The following SUCLG2 variants were observed in gnomAD, a reference collection of about 807,000 sequenced individuals.
SUCLG2 encodes the protein succinate--CoA ligase [GDP-forming] subunit beta, mitochondrial.
SUCLG2 carries 42 observed loss-of-function variants against 47.9 expected under a neutral mutation model. The ratio of observed to expected loss-of-function variants is 0.88; its 90% CI spans 0.69 to 1.14. The LOEUF is 1.14. Among genes scored for constraint, SUCLG2 ranks in the 50% most tolerant of loss-of-function variants. SUCLG2 has a pLI of 0.00. For synonymous variants in SUCLG2, 195 were observed against 197.3 expected (o/e 0.99, Z 0.10); for missense variants, 571 against 525.9 (o/e 1.09, Z -0.84).
intron 2 of SUCLG2, among the ~76,000 whole-genome samples, chr3:67,547,222 T>G (rs970784116): frequency 6.6e-6 from 1 of 152,120 alleles, no homozygotes; most frequent in East Asian, 1.9e-4. Flanking sequence ...CAATATGTGT[T>G]AAGGAGAAAG....
At chr3:67,553,821 G>C (rs1278758745) in intron 2 of SUCLG2, among the ~76,000 whole-genome samples, 2 of 152,044 alleles carry the variant, frequency 1.3e-5, no homozygotes, top group Admixed American at 1.3e-4. Flanking sequence ...ACTAAACATA[G>C]AAAGTAGAAT....
intron 6 of SUCLG2, among the ~76,000 whole-genome samples, chr3:67,511,860 T>C (rs1395822902): frequency 6.6e-6 from 1 of 151,116 alleles, no homozygotes; most frequent in Non-Finnish European, 1.5e-5. Context: ...GGGGGGTGTG[T>C]GTGTGTGTAC....
chr3:67,385,762 G>C (rs1215561292), intron 10 of SUCLG2, among the ~76,000 whole-genome samples: 1 of 152,192 alleles, frequency 6.6e-6, no homozygotes, highest in Non-Finnish European at 1.5e-5. Context: ...TGGTGATGAA[G>C]GTAATACTTT....
chr3:67,647,673 G>A (rs936470376), intron 1 of SUCLG2, among the ~76,000 whole-genome samples: 2 of 152,188 alleles, frequency 1.3e-5, no homozygotes, highest in African/African-American at 4.8e-5. Flanking sequence ...AAATGTTTGT[G>A]AAATGAGTAA....
intron 9 of SUCLG2, among the ~76,000 whole-genome samples, chr3:67,462,085 A>C (rs9847205): frequency 0.05 from 7,592 of 152,066 alleles, 282 homozygotes; most frequent in African/African-American, 0.094. Context: ...CCTAGCTCAT[A>C]ACTCCCACAG....
intron 9 of SUCLG2, among the ~76,000 whole-genome samples, chr3:67,431,675 G>A (rs550234560): frequency 1.3e-5 from 2 of 151,572 alleles, no homozygotes; most frequent in South Asian, 2.1e-4. Context: ...ACTCATAGGT[G>A]GGAACTGAAC....
chr3:67,536,441 A>G (rs1187799389), intron 2 of SUCLG2, among the ~76,000 whole-genome samples: 2 of 152,208 alleles, frequency 1.3e-5, no homozygotes, highest in African/African-American at 4.8e-5. Context: ...GGCAATCACA[A>G]CTACTGTCCA....
chr3:67,633,915 G>T (rs1700966996), intron 1 of SUCLG2, among the ~76,000 whole-genome samples: 1 of 151,712 alleles, frequency 6.6e-6, no homozygotes. Flanking sequence ...TATATATTTT[G>T]TCCACAAGTT....
rs1272295915 is a variant in SUCLG2, at chr3:67,511,154, C to T, written c.661-2251G>A. ...TGCCCACCTCAGCCTCCCAAAGGTG[C>T]TGGGATTACAGGCATGAGCCACTGC... On this transcript the variant is annotated intron_variant, in intron 6 of 10. Transcript: ENST00000307227. 2.6e-5 allele frequency among the ~76,000 whole-genome samples: 4 copies of T among 152,006 alleles called. 1 individual carries two copies. Among genetic ancestry groups the T allele is most frequent in the Non-Finnish European group, 5.9e-5 (4 of 68,016 alleles).
chr3:67,593,164 T>C (rs930950217), intron 2 of SUCLG2, among the ~76,000 whole-genome samples: 14 of 152,232 alleles, frequency 9.2e-5, no homozygotes. Context: ...CTATAATATA[T>C]AATGTATTTG....
intron 1 of SUCLG2, among the ~76,000 whole-genome samples, chr3:67,635,213 G>A (rs1363741933): frequency 6.6e-6 from 1 of 152,164 alleles, no homozygotes; most frequent in Non-Finnish European, 1.5e-5. Flanking sequence ...AAAGAGGTAG[G>A]AACTGTGGCA....
intron 7 of SUCLG2, among the ~76,000 whole-genome samples, chr3:67,499,560 C>CT (rs1705441633): frequency 6.6e-6 from 1 of 152,258 alleles, no homozygotes; most frequent in East Asian, 1.9e-4. Context: ...CTACAGGGCA[C>CT]TTTCCTTGAT....
In SUCLG2 at chr3:67,498,766, G is replaced by T. The variant is rs183154070; in HGVS notation, c.758-471C>A. On this transcript the variant is annotated intron_variant, in intron 7 of 10. Coordinates refer to ENST00000307227, the MANE Select transcript of SUCLG2 (RefSeq NM_003848.4). ...GAAATTTTTATTGAATCAGTATCCT[G>T]TCTAGTATTTCCAAAAGATTTAGTG... 2.2e-3 allele frequency among the ~76,000 whole-genome samples: 335 copies of T among 152,186 alleles called. 1 individual carries two copies. The highest frequency in any genetic ancestry group is 0.011 in the East Asian group (55 of 5,188).
At chr3:67,439,624 T>G (rs1228039555) in intron 9 of SUCLG2, among the ~76,000 whole-genome samples, 1 of 152,108 alleles carries the variant, frequency 6.6e-6, no homozygotes, top group Non-Finnish European at 1.5e-5. Flanking sequence ...TGAACTCCCA[T>G]TCACAATTGC....
intron 4 of SUCLG2, among the ~76,000 whole-genome samples, chr3:67,527,665 A>G (rs1706290730): frequency 6.6e-6 from 1 of 152,082 alleles, no homozygotes; most frequent in African/African-American, 2.4e-5. Context: ...AATGCAATAT[A>G]CCCCCAGCAA....
chr3:67,626,731 G>A (rs764980614), intron 1 of SUCLG2, among the ~76,000 whole-genome samples: 19 of 151,892 alleles, frequency 1.3e-4, no homozygotes, highest in Non-Finnish European at 2.4e-4. Flanking sequence ...TGGCTAACAC[G>A]GTGAAACCCC....
intron 2 of SUCLG2, among the ~76,000 whole-genome samples, chr3:67,604,487 C>T (rs934375010): frequency 7.9e-5 from 12 of 152,306 alleles, no homozygotes; most frequent in Non-Finnish European, 1.5e-4. Flanking sequence ...TCATCTTTGT[C>T]ATTTAGCTCT....
At chr3:67,492,809 G>C (rs1705235942) in intron 9 of SUCLG2, among the ~76,000 whole-genome samples, 1 of 152,074 alleles carries the variant, frequency 6.6e-6, no homozygotes, top group African/African-American at 2.4e-5. Context: ...ACTTGTGTTA[G>C]GTCCAAGTGA....
intron 2 of SUCLG2, among the ~76,000 whole-genome samples, chr3:67,585,083 G>A (rs905074335): frequency 2.0e-5 from 3 of 152,120 alleles, no homozygotes; most frequent in Non-Finnish European, 2.9e-5. Flanking sequence ...AACTTAATTA[G>A]CTTGTCAGAA....
Sources: allele counts gnomAD v4.1 joint callset (sites outside exome capture counted in the v4.1 genomes callset), GRCh38; gene constraint gnomAD v4.1.1; transcripts MANE v1.5; gene names NCBI Gene and HGNC (gene_info 2026-07-23, HGNC 2026-07-21).